ZNF521: variants seen among roughly 807,000 people sequenced by gnomAD.
The protein encoded by ZNF521 is LYST-interacting protein 3.
A neutral mutation model predicts 105.5 loss-of-function variants in ZNF521; 14 were observed. The ratio of observed to expected loss-of-function variants is 0.13; its 90% confidence interval spans 0.09 to 0.21. The LOEUF is 0.21. ZNF521 is among the 10% of genes least tolerant of loss of function. The probability of loss-of-function intolerance (pLI) is 1.00; values close to 1 mark genes in which losing one functional copy is unlikely to be tolerated. For missense variants in ZNF521, 1,233 were observed against 1,629.7 expected (o/e 0.76, Z 4.19); for synonymous variants, 635 against 606.0 (o/e 1.05, Z -0.70).
At chr18:25,229,588 T>C (rs974044490) in intron 3 of ZNF521, among the ~76,000 whole-genome samples, 3 of 152,044 alleles carry the variant, frequency 2.0e-5, no homozygotes, top group Non-Finnish European at 2.9e-5. Flanking sequence ...GATCTAGTTT[T>C]CCCCTTAAAA....
At chr18:25,064,988 C>T (rs922276568) in intron 7 of ZNF521, among the ~76,000 whole-genome samples, 6 of 151,918 alleles carry the variant, frequency 3.9e-5, no homozygotes, top group African/African-American at 1.5e-4. Context: ...TACTTGTCAC[C>T]GATATGTAGA....
intron 1 of ZNF521, 128 bp downstream of exon 1, chr18:25,351,877 A>AGCG (rs1914800515): frequency 3.7e-6 from 1 of 271,252 alleles, no homozygotes; most frequent in South Asian, 3.3e-5. Context: ...CTGCCTCGGC[A>AGCG]GCGGCGGCGG....
At chr18:25,128,306 G>A (rs1156886124) in intron 5 of ZNF521, among the ~76,000 whole-genome samples, 1 of 151,716 alleles carries the variant, frequency 6.6e-6, no homozygotes, top group African/African-American at 2.4e-5. Flanking sequence ...AGCAATAGGG[G>A]GTAACTGCTT....
intron 5 of ZNF521, among the ~76,000 whole-genome samples, chr18:25,173,711 G>A (rs750361728): frequency 2.0e-5 from 3 of 152,064 alleles, no homozygotes; most frequent in Admixed American, 6.6e-5. Context: ...AATATAAAAC[G>A]AAGTTAGCCA....
chr18:25,321,942 G>A, intron 3 of ZNF521, 66 bp downstream of exon 3: 2 of 1,443,976 alleles, frequency 1.4e-6, no homozygotes, highest in Non-Finnish European at 1.9e-6. Flanking sequence ...ACACATAAAG[G>A]AACAAACTGA....
intron 3 of ZNF521, among the ~76,000 whole-genome samples, chr18:25,292,997 T>C (rs940628876): frequency 6.6e-6 from 1 of 152,180 alleles, no homozygotes; most frequent in African/African-American, 2.4e-5. Flanking sequence ...CCACTGTATA[T>C]AATGATCTCC....
In ZNF521 at chr18:25,290,839, C is replaced by T. The variant is rs142295609; in HGVS notation, c.220+31169G>A. Among the ~76,000 whole-genome samples, 1,031 of 152,062 alleles carry T rather than the reference C, an allele frequency of 6.8e-3. 14 individuals are homozygous for T. The highest frequency in any genetic ancestry group is 0.023 in the African/African-American group (960 of 41,458). ...AAAGTGCTGGGATTTCAGGCGTGAG[C>T]CACTGCACCCAGCTGATAGTAAGCC... On this transcript the variant is annotated intron_variant, in intron 3 of 7. Coordinates refer to ENST00000361524, the MANE Select transcript of ZNF521 (RefSeq NM_015461.3).
intron 5 of ZNF521, among the ~76,000 whole-genome samples, chr18:25,139,566 AG>A (rs1287131002): frequency 1.3e-5 from 2 of 152,012 alleles, no homozygotes; most frequent in East Asian, 3.9e-4. Context: ...CCTCTAGTAG[AG>A]GTGTTACAGC....
At chr18:25,240,059 G>T (rs1392634770) in intron 3 of ZNF521, among the ~76,000 whole-genome samples, 1 of 151,958 alleles carries the variant, frequency 6.6e-6, no homozygotes. Context: ...TGTCGTTCAG[G>T]GCTGTTAAAG....
At chr18:25,150,789 C>G (rs1384955580) in intron 5 of ZNF521, among the ~76,000 whole-genome samples, 1 of 152,100 alleles carries the variant, frequency 6.6e-6, no homozygotes, top group Non-Finnish European at 1.5e-5. Flanking sequence ...TAGTTCTGAT[C>G]CACCTCTAAA....
intron 5 of ZNF521, among the ~76,000 whole-genome samples, chr18:25,181,842 A>T (rs1341306499): frequency 1.3e-5 from 2 of 152,280 alleles, no homozygotes; most frequent in African/African-American, 4.8e-5. Flanking sequence ...TTCCAGCCAG[A>T]GGGCTATAAT....
rs979949698 is a variant in ZNF521, at chr18:25,113,241, C to G, written c.3659-21160G>C. 2.6e-5 allele frequency among the ~76,000 whole-genome samples: 4 copies of G among 152,226 alleles called. No homozygotes were observed. In the East Asian group the frequency reaches 7.8e-4, roughly 30 times the overall value. ...AGTTTTCCTCAGGCTGTCCAATCAG[C>G]AGGTCCACCAGGGAGCCCAGCCTAG... is the stretch of plus-strand genomic sequence containing the variant. On this transcript the variant is annotated intron_variant, in intron 5 of 7. Transcript: ENST00000361524.
rs372395726 is a variant in ZNF521, at chr18:25,110,442, C to CAAAAAAAAAAAAAAAA, written c.3659-18362_3659-18361insTTTTTTTTTTTTTTTT. Reference sequence around the variant, plus strand: ...ACTGAATGAATGGAAGGCAGGAGACCAAAAAAGAAAGAAAAAGAGGGAGAG... The same window carrying CAAAAAAAAAAAAAAAA: ...ACTGAATGAATGGAAGGCAGGAGACCAAAAAAAAAAAAAAAAAAAAAAGAAAGAAAAAGAGGGAGAG... On this transcript the variant is annotated intron_variant, in intron 5 of 7. Coordinates refer to ENST00000361524, the MANE Select transcript of ZNF521 (RefSeq NM_015461.3). 1.1e-4 allele frequency among the ~76,000 whole-genome samples: 17 copies of CAAAAAAAAAAAAAAAA among 148,952 alleles called. No homozygotes were observed. In the East Asian group the frequency reaches 2.3e-3, roughly 21 times the overall value.
chr18:25,202,403 T>C (rs371540506), intron 4 of ZNF521: 4 of 152,200 alleles, frequency 2.6e-5, no homozygotes, highest in African/African-American at 4.8e-5. Context: ...ATTTAAAGTA[T>C]ATGAGAGCAT....
At chr18:25,235,567 G>A (rs181122159) in intron 3 of ZNF521, among the ~76,000 whole-genome samples, 16 of 152,304 alleles carry the variant, frequency 1.1e-4, no homozygotes, top group Non-Finnish European at 1.9e-4. Context: ...CTAACAGAAT[G>A]TTTTGTCTTG....
At chr18:25,130,865 C>T (rs1472819333) in intron 5 of ZNF521, among the ~76,000 whole-genome samples, 2 of 151,924 alleles carry the variant, frequency 1.3e-5, no homozygotes, top group African/African-American at 4.8e-5. Context: ...ATCACTGGAG[C>T]CCAGCAGTTT....
intron 3 of ZNF521, among the ~76,000 whole-genome samples, chr18:25,240,947 TA>T (rs35790866): frequency 0.33 from 39,202 of 117,902 alleles, 6,111 homozygotes; most frequent in African/African-American, 0.44. Context: ...AACCAGATAT[TA>T]AAAAAAAAAA....
intron 5 of ZNF521, among the ~76,000 whole-genome samples, chr18:25,108,009 CT>C (rs1336606563): frequency 6.6e-6 from 1 of 152,222 alleles, no homozygotes; most frequent in Non-Finnish European, 1.5e-5. Flanking sequence ...ACTCACAAGG[CT>C]TGTGCCTTCT....
intron 5 of ZNF521, among the ~76,000 whole-genome samples, chr18:25,095,503 G>C (rs2033833026): frequency 6.6e-6 from 1 of 152,060 alleles, no homozygotes; most frequent in African/African-American, 2.4e-5. Flanking sequence ...TTATAGATGG[G>C]ATCTTCGAAC....
Sources: gnomAD v4.1 joint callset for allele counts (sites outside exome capture counted in the v4.1 genomes callset) on GRCh38, gnomAD v4.1.1 for gene constraint, MANE v1.5 for transcripts, NCBI Gene and HGNC (gene_info 2026-07-23, HGNC 2026-07-21) for gene names.